PANX1: variants seen among roughly 807,000 people sequenced by gnomAD.
The protein encoded by PANX1 is pannexin 1, also known as pannexin-1.
In PANX1, 30 loss-of-function variants were observed where a neutral mutation model predicts 38.7. That is an observed-to-expected ratio of 0.78 (90% CI 0.58 to 1.05). The LOEUF is 1.05. Among genes scored for constraint, PANX1 ranks in the 50% least tolerant of loss-of-function variants. The probability of loss-of-function intolerance (pLI) is 0.00; values close to 1 mark genes in which losing one functional copy is unlikely to be tolerated. For missense variants in PANX1, 551 were observed against 517.2 expected, an observed-to-expected ratio of 1.07 and a Z score of -0.63; for synonymous variants, 230 against 212.2, an observed-to-expected ratio of 1.08 and a Z score of -0.73.
chr11:94,130,627 A>G (rs1946619051), intron 1 of PANX1, among the ~76,000 whole-genome samples: 2 of 152,180 alleles, frequency 1.3e-5, no homozygotes, highest in Admixed American at 6.5e-5. Context: ...AGAGCAAGGC[A>G]TCGGCTGAGG....
At chr11:94,145,290 T>G (rs2134484921) in intron 1 of PANX1, among the ~76,000 whole-genome samples, 1 of 152,290 alleles carries the variant, frequency 6.6e-6, no homozygotes, top group South Asian at 2.1e-4. Context: ...CCTCAACCTT[T>G]CTTTATACAC....
intron 2 of PANX1, among the ~76,000 whole-genome samples, chr11:94,166,497 T>C (rs1202088567): frequency 6.6e-6 from 1 of 152,234 alleles, no homozygotes; most frequent in Non-Finnish European, 1.5e-5. Flanking sequence ...TCCTGGACTG[T>C]AAGGTTTCCA....
intron 1 of PANX1, among the ~76,000 whole-genome samples, chr11:94,145,826 C>T (rs573447780): frequency 9.8e-5 from 15 of 152,292 alleles, no homozygotes; most frequent in African/African-American, 3.6e-4. Context: ...AGGATTCTCA[C>T]TGTGAAAGAA....
At chr11:94,175,883 G>A in intron 2 of PANX1, 1 of 984,854 alleles carries the variant, frequency 1.0e-6, no homozygotes, top group Non-Finnish European at 1.2e-6. Context: ...TAAAGCAGCT[G>A]TCTTGGTAAG....
At chr11:94,136,637 G>A (rs974177023) in intron 1 of PANX1, among the ~76,000 whole-genome samples, 2 of 151,906 alleles carry the variant, frequency 1.3e-5, no homozygotes, top group Non-Finnish European at 2.9e-5. Flanking sequence ...GTGTGGTGGC[G>A]GGCGCCTGTA....
At chr11:94,170,143 C>A (rs1057432337) in intron 2 of PANX1, among the ~76,000 whole-genome samples, 1 of 151,680 alleles carries the variant, frequency 6.6e-6, no homozygotes, top group African/African-American at 2.4e-5. Context: ...GCGAAACCAT[C>A]GCCATTACCC....
chr11:94,134,365 G>T (rs1946663283), intron 1 of PANX1, among the ~76,000 whole-genome samples: 2 of 152,194 alleles, frequency 1.3e-5, no homozygotes, highest in Non-Finnish European at 2.9e-5. Flanking sequence ...CGACAGCTTT[G>T]TGTAGAATAT....
chr11:94,177,393 G>C (rs1461093893), intron 2 of PANX1, among the ~76,000 whole-genome samples: 1 of 151,728 alleles, frequency 6.6e-6, no homozygotes, highest in Admixed American at 6.6e-5. Flanking sequence ...ATAGTCGAAA[G>C]TGACATCAAG....
chr11:94,180,297 A>G, intron 4 of PANX1, 40 bp downstream of exon 4: 3 of 1,486,804 alleles, frequency 2.0e-6, no homozygotes, highest in Non-Finnish European at 2.7e-6. Context: ...GAGTCTACCG[A>G]GAGCCTTTGC....
chr11:94,142,385 T>C (rs1045925777), intron 1 of PANX1, among the ~76,000 whole-genome samples: 2 of 152,168 alleles, frequency 1.3e-5, no homozygotes, highest in Non-Finnish European at 1.5e-5. Flanking sequence ...CAAGCCCTCC[T>C]TGCCTTTACT....
intron 1 of PANX1, among the ~76,000 whole-genome samples, chr11:94,129,850 C>A (rs1946606513): frequency 6.6e-6 from 1 of 152,114 alleles, no homozygotes; most frequent in African/African-American, 2.4e-5. Context: ...TTTGTCCAGC[C>A]GCCTAAAATT....
rs575342325 is a variant in PANX1 at position 94,145,490 on chromosome 11, TC to T, written c.182-7999del. On this transcript the variant is annotated intron_variant, in intron 1 of 4. Transcript: ENST00000227638. ...GCAGAGATATTTGGTTTTCTTTTCT[TC>T]CTTCCATCTAGCTTTTTGCATTCAT... 8.2e-4 allele frequency among the ~76,000 whole-genome samples: 125 copies of T among 152,352 alleles called. 2 individuals carry two copies. The highest frequency in any genetic ancestry group is 1.5e-3 in the Non-Finnish European group (105 of 68,032).
intron 2 of PANX1, among the ~76,000 whole-genome samples, chr11:94,162,889 TGAGACAGGGTCTCAC>T (rs1947063103): frequency 6.7e-6 from 1 of 149,702 alleles, no homozygotes; most frequent in Non-Finnish European, 1.5e-5. Flanking sequence ...TTTTTTTTTT[TGAGACAGGGTCTCAC>T]TTTGTCACCC....
chr11:94,157,249 G>C (rs1946961550), intron 2 of PANX1, among the ~76,000 whole-genome samples: 1 of 148,554 alleles, frequency 6.7e-6, no homozygotes, highest in Admixed American at 6.8e-5. Context: ...ACCTAGTAAT[G>C]GGATGGCTGG....
chr11:94,153,334 T>C (rs190103867), intron 1 of PANX1, among the ~76,000 whole-genome samples, 157 bp from the exon 2 acceptor site: 43 of 152,360 alleles, frequency 2.8e-4, no homozygotes, highest in Non-Finnish European at 5.7e-4. Flanking sequence ...TCTTTTGTTT[T>C]AATATGAACT....
At chr11:94,152,021 A>G (rs1186586483) in intron 1 of PANX1, among the ~76,000 whole-genome samples, 1 of 147,710 alleles carries the variant, frequency 6.8e-6, no homozygotes, top group Non-Finnish European at 1.5e-5. Context: ...CATAAAGGCC[A>G]CTCCCTCCCC....
chr11:94,149,083 A>ATT, intron 1 of PANX1, among the ~76,000 whole-genome samples: 1 of 152,152 alleles, frequency 6.6e-6, no homozygotes. Flanking sequence ...CCTGCCTAGG[A>ATT]GCAGGATCTA....
At position 94,134,747 on chromosome 11, in the gene PANX1, C is replaced by G. The variant is rs141450583; in HGVS notation, c.181+5254C>G. Among the ~76,000 whole-genome samples the G allele has an allele frequency of 4.1e-3, 621 of 151,446 alleles. 11 individuals are homozygous for G. The highest frequency in any genetic ancestry group is 0.017 in the South Asian group (82 of 4,780). On this transcript the variant is annotated intron_variant, in intron 1 of 4. Transcript: ENST00000227638. ...TTCCCTCTTCCTCTCTCCACAAGTG[C>G]GGCCACAAGGAAAGGTGTGTGAGCA... is the stretch of plus-strand genomic sequence containing the variant.
chr11:94,138,080 C>G (rs117829210), intron 1 of PANX1, among the ~76,000 whole-genome samples: 1 of 151,770 alleles, frequency 6.6e-6, no homozygotes, highest in Non-Finnish European at 1.5e-5. Flanking sequence ...TTGTATAATT[C>G]TAATTACAAG....
Sources: gnomAD v4.1 joint callset for allele counts (sites outside exome capture counted in the v4.1 genomes callset) on GRCh38, gnomAD v4.1.1 for gene constraint, MANE v1.5 for transcripts, NCBI Gene and HGNC (gene_info 2026-07-23, HGNC 2026-07-21) for gene names.